The following SERGEF variants were observed in gnomAD, a reference collection of about 807,000 sequenced individuals.
SERGEF encodes secretion regulating guanine nucleotide exchange factor.
A neutral mutation model predicts 50.0 loss-of-function variants in SERGEF; 51 were observed. That is an observed-to-expected ratio of 1.02 (90% CI 0.81 to 1.29). SERGEF has a LOEUF of 1.29. Ranked by LOEUF, SERGEF falls within the 50% of genes most tolerant of loss-of-function variation. The pLI, the probability that SERGEF is intolerant of heterozygous loss-of-function variation, is 0.00. For missense variants in SERGEF, 521 were observed against 557.0 expected (o/e 0.94, Z 0.65); for synonymous variants, 205 against 212.4 (o/e 0.97, Z 0.30).
chr11:17,971,395 G>T (rs906546059), intron 8 of SERGEF, among the ~76,000 whole-genome samples: 6 of 152,206 alleles, frequency 3.9e-5, no homozygotes, highest in Non-Finnish European at 7.3e-5. Context: ...TAGGGCTAAT[G>T]CAGCTGGTGA....
intron 9 of SERGEF, among the ~76,000 whole-genome samples, chr11:17,943,767 C>T (rs74598983): frequency 0.011 from 1,671 of 152,204 alleles, 29 homozygotes; most frequent in African/African-American, 0.037. Flanking sequence ...CATTATTGTT[C>T]GAAGTTTTTC....
intron 9 of SERGEF, among the ~76,000 whole-genome samples, chr11:17,951,095 A>G (rs183637819): frequency 2.0e-5 from 3 of 152,290 alleles, no homozygotes; most frequent in African/African-American, 7.2e-5. Flanking sequence ...TTCTAGTTCT[A>G]AGAAGTGTTT....
rs1475662127 is a variant in SERGEF at position 17,833,637 on chromosome 11, G to A, written c.1048+44571C>T. ...CCGTGAAAATAACCAAGAGGGAGGC[G>A]GTACCCTGCAAATCCACAGGGGTGG... On this transcript the variant is annotated intron_variant, in intron 10 of 10. Transcript: ENST00000265965. Among the ~76,000 whole-genome samples, 6 of 152,170 alleles carry A rather than the reference G, an allele frequency of 3.9e-5. No homozygotes were observed. The East Asian group carries it at 9.6e-4, about 24-fold the overall frequency.
intron 10 of SERGEF, among the ~76,000 whole-genome samples, chr11:17,870,561 T>A (rs1300183100): frequency 2.0e-5 from 3 of 152,214 alleles, no homozygotes; most frequent in African/African-American, 7.2e-5. Flanking sequence ...GTGAGACCCA[T>A]CTTAGATTTC....
chr11:17,828,586 T>G (rs886944720), intron 10 of SERGEF, among the ~76,000 whole-genome samples: 2 of 152,266 alleles, frequency 1.3e-5, no homozygotes, highest in Admixed American at 6.5e-5. Flanking sequence ...TTTTTCCTCT[T>G]TGGGAAAACC....
chr11:17,981,327 T>C (rs1050434099), intron 8 of SERGEF, among the ~76,000 whole-genome samples: 1 of 152,242 alleles, frequency 6.6e-6, no homozygotes, highest in African/African-American at 2.4e-5. Context: ...TTCCTTCCAA[T>C]TGCTTGCCGA....
In SERGEF at chr11:17,959,572, A is replaced by G; in HGVS notation, c.909T>C (p.Thr303=). ...DYGQLGRKLE[T]YEGWKLEKQD... ...GCTTTTCTAGTTTCCAGCCTTCATA[A>G]GTCTCCAACTTCCTCCCTAGCTGAC... Residue 303 remains threonine, a synonymous_variant, in exon 9 of 11, where the codon ACT becomes ACC. Transcript: ENST00000265965. The G allele has an allele frequency of 1.5e-5, 25 of 1,614,184 alleles. No individual in the cohort carries two copies. The highest frequency in any genetic ancestry group is 2.1e-5 in the Non-Finnish European group (25 of 1,180,012).
Position 18,012,994 on chromosome 11 carries a change from C to G in SERGEF, c.17G>C (p.Ser6Thr). 6.9e-7 allele frequency: 1 copy of G among 1,455,980 alleles called. No homozygotes were observed. Among genetic ancestry groups the G allele is most frequent in the South Asian group, 1.3e-5 (1 of 74,634 alleles). 90.2% of individuals were successfully genotyped at this position (1,455,980 alleles called of 1,614,324 possible). Residue 6 changes from serine to threonine, a missense_variant, in exon 1 of 11, where the codon AGC becomes ACC. Physicochemically the swap from Ser to Thr is moderately conservative, Grantham distance 58 (BLOSUM62 1). Transcript: ENST00000265965. MEREPSASEAAPAAAA... is the reference protein window; with the variant it reads MEREPTASEAAPAAAA... ...CGCCGCGGGGGCGGCCTCCGAGGCG[C>G]TGGGCTCGCGCTCCATGCGAGGACG...
chr11:17,890,329 A>G (rs147757133), intron 9 of SERGEF, among the ~76,000 whole-genome samples: 161 of 152,324 alleles, frequency 1.1e-3, no homozygotes, highest in Non-Finnish European at 2.1e-3. Context: ...ATTACAACTG[A>G]AAGAGTGAGA....
At chr11:17,900,062 G>C (rs1851721668) in intron 9 of SERGEF, among the ~76,000 whole-genome samples, 1 of 152,156 alleles carries the variant, frequency 6.6e-6, no homozygotes, top group African/African-American at 2.4e-5. Context: ...TACCTTCTAG[G>C]AGTTAAGAGT....
Position 18,012,944 on chromosome 11 carries a change from C to A in SERGEF, c.60+7G>T. 1 of 1,507,532 alleles carries A rather than the reference C, an allele frequency of 6.6e-7. No individual in the cohort carries two copies. The highest frequency in any genetic ancestry group is 1.2e-5 in the South Asian group (1 of 81,356). The allele number at this position is 1,507,532 out of a possible 1,614,324, so 93.4% of individuals were successfully genotyped here. A position where few individuals can be genotyped will look rare whatever the true frequency, so the allele number is the denominator to read the frequency against. On this transcript the variant is annotated splice_region_variant and intron_variant, in intron 1 of 10. Transcript: ENST00000265965. ...GCCTGCACCGGCCCGGGGGCGGAGT[C>A]ACGTACCCAGGCGAAGAGCGCGGCC... is the stretch of plus-strand genomic sequence containing the variant.
chr11:17,853,330 G>A (rs1850747648), intron 10 of SERGEF, among the ~76,000 whole-genome samples: 1 of 152,154 alleles, frequency 6.6e-6, no homozygotes, highest in East Asian at 1.9e-4. Context: ...AATGTTAAGT[G>A]AATGTTCATT....
intron 10 of SERGEF, among the ~76,000 whole-genome samples, chr11:17,840,229 T>C (rs146040739): frequency 3.3e-5 from 5 of 152,246 alleles, no homozygotes; most frequent in East Asian, 1.9e-4. Context: ...CACTGTATTT[T>C]AGATACACTA....
chr11:17,911,666 T>C lies in SERGEF; in HGVS notation c.1012-33422A>G, dbSNP rs1022837543. ...CCACACCCAGCTAATTTTTGTATTT[T>C]TTGTAGAGATGGGATTTCATCATGT... On this transcript the variant is annotated intron_variant, in intron 9 of 10. Coordinates refer to ENST00000265965, the MANE Select transcript of SERGEF (RefSeq NM_012139.4). Among the ~76,000 whole-genome samples, 3 of 151,988 alleles carry C rather than the reference T, an allele frequency of 2.0e-5. No homozygotes were observed. In the South Asian group the frequency reaches 6.2e-4, roughly 32 times the overall value.
intron 10 of SERGEF, among the ~76,000 whole-genome samples, chr11:17,840,844 G>A (rs958915770): frequency 2.6e-5 from 4 of 152,108 alleles, no homozygotes; most frequent in Non-Finnish European, 4.4e-5. Flanking sequence ...GAAGTACCAC[G>A]GGTCCTTTCT....
At chr11:17,854,660 AT>A (rs1319667138) in intron 10 of SERGEF, 1 of 152,184 alleles carries the variant, frequency 6.6e-6, no homozygotes, top group Non-Finnish European at 1.5e-5. Context: ...TGTACAAGCC[AT>A]TTCCTCACCA....
intron 7 of SERGEF, 100 bp downstream of exon 7, chr11:17,992,831 A>G: frequency 9.5e-7 from 1 of 1,057,164 alleles, no homozygotes; most frequent in Non-Finnish European, 1.4e-6. Flanking sequence ...TCTAGCTCCA[A>G]AGTCTATGAC....
At chr11:17,918,226 A>G (rs1852083553) in intron 9 of SERGEF, among the ~76,000 whole-genome samples, 1 of 152,250 alleles carries the variant, frequency 6.6e-6, no homozygotes, top group Admixed American at 6.5e-5. Flanking sequence ...ACTTCAAAAC[A>G]GAGACAGTCC....
chr11:17,956,535 A>T (rs920700018), intron 9 of SERGEF, among the ~76,000 whole-genome samples: 1 of 152,216 alleles, frequency 6.6e-6, no homozygotes, highest in African/African-American at 2.4e-5. Context: ...GGCCTATAAT[A>T]AGCACTAAAT....
Sources: gnomAD v4.1 joint callset for allele counts (sites outside exome capture counted in the v4.1 genomes callset) on GRCh38, gnomAD v4.1.1 for gene constraint, MANE v1.5 for transcripts, NCBI Gene and HGNC (gene_info 2026-07-23, HGNC 2026-07-21) for gene names.